Variants in DDI2 observed in about 807,000 individuals in gnomAD.
DDI2 encodes protein DDI1 homolog 2.
DDI2 carries 5 observed loss-of-function variants against 48.1 expected under a neutral mutation model. The observed-to-expected ratio is 0.10, with a 90% CI of 0.05 to 0.22. The LOEUF (loss-of-function observed/expected upper bound fraction) is 0.22. DDI2 is among the 10% of genes least tolerant of loss of function. DDI2 has a pLI of 1.00. For synonymous variants in DDI2, 205 were observed against 183.6 expected, an observed-to-expected ratio of 1.12 and a Z score of -0.94; for missense variants, 285 against 506.2, an observed-to-expected ratio of 0.56 and a Z score of 4.19.
rs1639824196 is a variant in DDI2, at chr1:15,630,354, G to T, written c.298G>T (p.Ala100Ser). 1 of 1,614,224 alleles carries T rather than the reference G, an allele frequency of 6.2e-7. No individual in the cohort carries two copies. Among genetic ancestry groups the T allele is most frequent in the African/African-American group, 1.3e-5 (1 of 75,064 alleles). Residue 100 changes from alanine to serine, a missense_variant, in exon 3 of 10, where the codon GCT becomes TCT. This residue lies in a region of DDI2 where 149 missense variants were observed against 236.5 expected (regional missense o/e 0.63). Transcript: ENST00000480945. ...NLPRIDFSSI[A>S]VPGTSSPRQR... Reference sequence around the variant, plus strand: ...ACCCCGAATAGATTTCAGTAGTATAGCTGTGCCTGGCACATCAAGTCCCCG... The same window carrying T: ...ACCCCGAATAGATTTCAGTAGTATATCTGTGCCTGGCACATCAAGTCCCCG...
At chr1:15,656,463 A>G (rs1328517937) in intron 8 of DDI2, 154 bp from the exon 9 acceptor site, 2 of 1,528,258 alleles carry the variant, frequency 1.3e-6, no homozygotes, top group Non-Finnish European at 1.8e-6. Context: ...ACCAACAAAT[A>G]TTTTGGATGT....
intron 4 of DDI2, among the ~76,000 whole-genome samples, chr1:15,635,225 A>G (rs1383200548): frequency 7.5e-6 from 1 of 132,502 alleles, no homozygotes; most frequent in Non-Finnish European, 1.6e-5. Context: ...TGAGACCCCC[A>G]TCTTAGGAAA....
chr1:15,667,502 A>G lies in DDI2; in HGVS notation c.*7712A>G, dbSNP rs1444053693. 1 of 152,252 alleles carries G rather than the reference A, an allele frequency of 6.6e-6. No individual in the cohort carries two copies. The highest frequency in any genetic ancestry group is 2.4e-5 in the African/African-American group (1 of 41,466). The allele number at this position is 152,252 out of a possible 1,614,324, so 9.4% of individuals were successfully genotyped here. A position where few individuals can be genotyped will look rare whatever the true frequency, so the allele number is the denominator to read the frequency against. On this transcript the variant is annotated 3_prime_UTR_variant, in exon 10 of 10. Coordinates refer to ENST00000480945, the MANE Select transcript of DDI2 (RefSeq NM_032341.5). ...CTCCGGAATACTGACCATCTGGGCT[A>G]GCACGACTTAGCAGAGGGTTCTGCA...
At chr1:15,658,775 ACACTTACATG>A (rs1288920014) in intron 9 of DDI2, among the ~76,000 whole-genome samples, 1 of 150,304 alleles carries the variant, frequency 6.7e-6, no homozygotes, top group East Asian at 2.0e-4. Context: ...AAAAATTCTT[ACACTTACATG>A]CGTAGAGGTC....
chr1:15,655,972 A>G (rs1640268264), intron 8 of DDI2, among the ~76,000 whole-genome samples: 3 of 151,982 alleles, frequency 2.0e-5, no homozygotes, highest in Non-Finnish European at 4.4e-5. Flanking sequence ...TTTATACTCT[A>G]TTATAAACTC....
chr1:15,631,444 T>G (rs1639842398), intron 3 of DDI2, among the ~76,000 whole-genome samples: 1 of 152,250 alleles, frequency 6.6e-6, no homozygotes, highest in African/African-American at 2.4e-5. Context: ...TGAATCGAGT[T>G]TTCTCTGTAA....
chr1:15,626,765 A>C lies in DDI2; in HGVS notation c.235A>C (p.Asn79His). 1 of 1,614,130 alleles carries C rather than the reference A, an allele frequency of 6.2e-7. No homozygotes were observed. Among genetic ancestry groups the C allele is most frequent in the South Asian group, 1.1e-5 (1 of 91,076 alleles). ...GDVVILRQKE[N>H]ADPRPPVQFP... Reference sequence around the variant, plus strand: ...CGTTGTGATTTTACGACAGAAGGAGAATGCAGACCCTCGACCTCCAGTGCA... The same window carrying C: ...CGTTGTGATTTTACGACAGAAGGAGCATGCAGACCCTCGACCTCCAGTGCA... Residue 79 changes from asparagine to histidine, a missense_variant, in exon 2 of 10, where the codon AAT (asparagine) becomes CAT (histidine). This residue lies in a region of DDI2 where 149 missense variants were observed against 236.5 expected (regional missense o/e 0.63). Transcript: ENST00000480945.
chr1:15,628,262 G>A (rs1281093788), intron 2 of DDI2, among the ~76,000 whole-genome samples: 3 of 152,118 alleles, frequency 2.0e-5, no homozygotes, highest in Non-Finnish European at 2.9e-5. Context: ...TTTCTGGCTG[G>A]TATAGATTAA....
chr1:15,646,396 A>C (rs1320615962), intron 6 of DDI2, among the ~76,000 whole-genome samples: 1 of 152,124 alleles, frequency 6.6e-6, no homozygotes, highest in East Asian at 1.9e-4. Context: ...TTAAAAATGT[A>C]TGCCTTAGGG....
rs764838063 is a variant in DDI2 at position 15,633,429 on chromosome 1, A to G, written c.506-10A>G. 2 of 1,609,264 alleles carry G rather than the reference A, an allele frequency of 1.2e-6. No homozygotes were observed. The highest frequency in any genetic ancestry group is 1.7e-6 in the Non-Finnish European group (2 of 1,178,318). On this transcript the variant is annotated splice_polypyrimidine_tract_variant and intron_variant, in intron 3 of 9. Coordinates refer to ENST00000480945, the MANE Select transcript of DDI2 (RefSeq NM_032341.5). ...GTGATATTTAAGATTTTTCTCCCTT[A>G]TTTTTGTAGAGAAATTTTCTAGAGT...
intron 6 of DDI2, among the ~76,000 whole-genome samples, chr1:15,647,280 T>C (rs1437316504): frequency 6.6e-6 from 1 of 151,978 alleles, no homozygotes; most frequent in Non-Finnish European, 1.5e-5. Context: ...CCCGAATAGC[T>C]GGGATTACAG....
intron 3 of DDI2, among the ~76,000 whole-genome samples, chr1:15,632,289 A>G (rs1349164786): frequency 6.6e-6 from 1 of 152,088 alleles, no homozygotes; most frequent in Non-Finnish European, 1.5e-5. Flanking sequence ...AAGAAATTGC[A>G]AAATAGGCCG....
rs1432082399 is a variant in DDI2, at chr1:15,660,805, C to T, written c.*1015C>T. 4 of 1,614,070 alleles carry T rather than the reference C, an allele frequency of 2.5e-6. No individual in the cohort carries two copies. The highest frequency in any genetic ancestry group is 3.4e-6 in the Non-Finnish European group (4 of 1,180,018). ...CATTTCCACTCAGGATTTACAGCCC[C>T]CAGAAACTAATGTTGAAATACCTGG... On this transcript the variant is annotated 3_prime_UTR_variant, in exon 10 of 10. Coordinates refer to ENST00000480945, the MANE Select transcript of DDI2 (RefSeq NM_032341.5).
chr1:15,633,006 C>T (rs576225664), intron 3 of DDI2, among the ~76,000 whole-genome samples: 17 of 149,928 alleles, frequency 1.1e-4, no homozygotes, highest in Non-Finnish European at 1.9e-4. Flanking sequence ...ACTGCATCCT[C>T]GACCTCCTGG....
At position 15,660,558 on chromosome 1, in the gene DDI2, G is replaced by A. The variant is rs201774613; in HGVS notation, c.*768G>A. On this transcript the variant is annotated 3_prime_UTR_variant, in exon 10 of 10. Transcript: ENST00000480945. ...CACAGAATGTGGATCCTCCAAGTGC[G>A]AAGAAAAGTATTCCATCTTCAGAAT... is the stretch of plus-strand genomic sequence containing the variant. 6.8e-6 allele frequency: 11 copies of A among 1,612,992 alleles called. No homozygotes were observed. Among genetic ancestry groups the A allele is most frequent in the Admixed American group, 5.0e-5 (3 of 59,740 alleles).
In DDI2 at chr1:15,660,495, T is replaced by A. The variant is rs145955439; in HGVS notation, c.*705T>A. ...AAAGGCAACAGAATCAACACAAAAT[T>A]GTTGATTTGGAAGCTACGATGAAAG... On this transcript the variant is annotated 3_prime_UTR_variant, in exon 10 of 10. Transcript: ENST00000480945. 2.2e-5 allele frequency: 36 copies of A among 1,613,758 alleles called. No homozygotes were observed. The highest frequency in any genetic ancestry group is 3.1e-5 in the Non-Finnish European group (36 of 1,179,970).
rs913672012 is a variant in DDI2, at chr1:15,661,876, C to T, written c.*2086C>T. 46 of 1,090,306 alleles carry T rather than the reference C, an allele frequency of 4.2e-5. No homozygotes were observed. The highest frequency in any genetic ancestry group is 6.5e-5 in the African/African-American group (4 of 61,928). 67.5% of individuals were successfully genotyped at this position (1,090,306 alleles called of 1,614,324 possible). On this transcript the variant is annotated 3_prime_UTR_variant, in exon 10 of 10. Coordinates refer to ENST00000480945, the MANE Select transcript of DDI2 (RefSeq NM_032341.5). ...CCAGATTTTTTTTAAAGATTTTTTT[C>T]GGCCAAAGTAATTTATGATCTTTTG...
rs184700601 is a variant in DDI2, at chr1:15,641,227, G to A, written c.761-2295G>A. On this transcript the variant is annotated intron_variant, in intron 5 of 9. Coordinates refer to ENST00000480945, the MANE Select transcript of DDI2 (RefSeq NM_032341.5). The stretch of plus-strand genomic sequence containing the variant: ...TGGCTCAAACCTGTAATCCCAGCAC[G>A]TTGGGAGGCTGAGGCGGGTAGACCA... Among the ~76,000 whole-genome samples the A allele has an allele frequency of 2.2e-4, 34 of 151,790 alleles. No individual in the cohort carries two copies. The East Asian group carries it at 5.1e-3, about 23-fold the overall frequency.
chr1:15,656,698 T>TTAA lies in DDI2; in HGVS notation c.*46+20_*46+22dup. On this transcript the variant is annotated intron_variant, in intron 9 of 9. Coordinates refer to ENST00000480945, the MANE Select transcript of DDI2 (RefSeq NM_032341.5). ...AGACCAGGTATTTATAGACACCATGTTAAGCCTTCCATCCAGTTGTCATCT... is the reference window on the plus strand; with the variant it reads ...AGACCAGGTATTTATAGACACCATGTTAATAAGCCTTCCATCCAGTTGTCATCT... The TTAA allele has an allele frequency of 6.2e-7, 1 of 1,613,840 alleles. No individual in the cohort carries two copies.
Sources: gnomAD v4.1 joint callset for allele counts (sites outside exome capture counted in the v4.1 genomes callset) on GRCh38, gnomAD v4.1.1 for gene constraint, gnomAD v4.1.1 regional missense constraint, MANE v1.5 for transcripts, NCBI Gene and HGNC (gene_info 2026-07-23, HGNC 2026-07-21) for gene names.